Variants in ALG6 observed in about 807,000 individuals in gnomAD.
ALG6 encodes the protein ALG6 alpha-1,3-glucosyltransferase.
ALG6 carries 46 observed loss-of-function variants against 66.6 expected under a neutral mutation model. The ratio of observed to expected loss-of-function variants is 0.69; its 90% CI spans 0.55 to 0.88. The LOEUF is 0.88. Ranked by LOEUF, ALG6 falls within the 40% of genes least tolerant of loss-of-function variation. The pLI, the probability that ALG6 is intolerant of heterozygous loss-of-function variation, is 0.00. For missense variants in ALG6, 505 were observed against 586.8 expected, an observed-to-expected ratio of 0.86 and a Z score of 1.44; for synonymous variants, 185 against 203.7, an observed-to-expected ratio of 0.91 and a Z score of 0.78.
intron 2 of ALG6, among the ~76,000 whole-genome samples, chr1:63,373,019 T>C (rs2100380505): frequency 6.6e-6 from 1 of 151,990 alleles, no homozygotes; most frequent in East Asian, 1.9e-4. Flanking sequence ...AAGACTTTTT[T>C]TTTTGGAGAC....
At chr1:63,398,598 G>C (rs897667808) in intron 3 of ALG6, among the ~76,000 whole-genome samples, 2 of 151,858 alleles carry the variant, frequency 1.3e-5, no homozygotes, top group Non-Finnish European at 2.9e-5. Flanking sequence ...TTAGCTTCCC[G>C]AGTAGCTGGG....
At chr1:63,383,252 G>A (rs1024310581) in intron 2 of ALG6, among the ~76,000 whole-genome samples, 2 of 152,092 alleles carry the variant, frequency 1.3e-5, no homozygotes, top group East Asian at 3.9e-4. Context: ...CTCCCAAGTA[G>A]CTGGGATTAC....
chr1:63,369,610 CAA>C (rs1172993842), intron 1 of ALG6, among the ~76,000 whole-genome samples: 1 of 147,274 alleles, frequency 6.8e-6, no homozygotes, highest in African/African-American at 2.5e-5. Flanking sequence ...GCCTGGGCAA[CAA>C]GAGCAAAGCT....
intron 7 of ALG6, among the ~76,000 whole-genome samples, chr1:63,410,021 T>C (rs1644508631): frequency 6.6e-6 from 1 of 152,280 alleles, no homozygotes; most frequent in South Asian, 2.1e-4. Flanking sequence ...TAATCTCTTG[T>C]TTTCTTCTGC....
chr1:63,422,134 T>C (rs1199523141), intron 12 of ALG6, among the ~76,000 whole-genome samples: 3 of 55,580 alleles, frequency 5.4e-5, no homozygotes. Flanking sequence ...TAAATAAATA[T>C]ATAAATATAT....
chr1:63,371,224 T>C, intron 2 of ALG6, 165 bp downstream of exon 2: 2 of 613,232 alleles, frequency 3.3e-6, no homozygotes, highest in Non-Finnish European at 5.8e-6. Context: ...AGAAAGAATA[T>C]GGATAACAGC....
intron 2 of ALG6, among the ~76,000 whole-genome samples, chr1:63,371,953 A>G (rs1211950770): frequency 6.6e-6 from 1 of 152,240 alleles, no homozygotes; most frequent in Non-Finnish European, 1.5e-5. Flanking sequence ...GGTGATAATT[A>G]TAATGTAGGA....
At chr1:63,431,694 C>G (rs761080596) in intron 14 of ALG6, among the ~76,000 whole-genome samples, 10 of 152,126 alleles carry the variant, frequency 6.6e-5, no homozygotes, top group Non-Finnish European at 1.5e-4. Context: ...TTTCTTTCAA[C>G]AATGTTTTGT....
chr1:63,370,556 A>G (rs1009634035), intron 1 of ALG6, among the ~76,000 whole-genome samples: 1 of 152,094 alleles, frequency 6.6e-6, no homozygotes, highest in Non-Finnish European at 1.5e-5. Context: ...ATATCTTTAG[A>G]TGTATTGAGT....
In ALG6 at chr1:63,418,988, A is replaced by G. The variant is rs115013361; in HGVS notation, c.988-382A>G. 3.9e-3 allele frequency among the ~76,000 whole-genome samples: 600 copies of G among 152,308 alleles called. 4 individuals are homozygous for G. Among genetic ancestry groups the G allele is most frequent in the African/African-American group, 0.013 (550 of 41,584 alleles). On this transcript the variant is annotated intron_variant, in intron 11 of 14. Coordinates refer to ENST00000263440, the MANE Select transcript of ALG6 (RefSeq NM_013339.4). ...TTGAAGTGCATGTTTTAAAACACCA[A>G]AATAGATTTGTTTTGCCGGTTTTAG...
intron 2 of ALG6, among the ~76,000 whole-genome samples, chr1:63,384,393 A>G (rs1307327188): frequency 6.6e-6 from 1 of 152,056 alleles, no homozygotes; most frequent in Admixed American, 6.6e-5. Context: ...TCTGGTTGTT[A>G]ATCCCTTGTC....
intron 5 of ALG6, 51 bp from the exon 6 acceptor site, chr1:63,406,266 G>GCTGTAAATCCTGAGT (rs1247120751): frequency 6.7e-7 from 1 of 1,499,952 alleles, no homozygotes; most frequent in Non-Finnish European, 9.3e-7. Context: ...TTAATGGGTA[G>GCTGTAAATCCTGAGT]CTGTAAATCC....
At chr1:63,428,907 T>C in intron 13 of ALG6, 21 bp from the exon 14 acceptor site, 1 of 1,609,176 alleles carries the variant, frequency 6.2e-7, no homozygotes, top group Non-Finnish European at 8.5e-7. Flanking sequence ...TCTTGTGATT[T>C]TTAAAAATTT....
intron 2 of ALG6, among the ~76,000 whole-genome samples, chr1:63,389,363 T>TGA: frequency 6.6e-6 from 1 of 152,330 alleles, no homozygotes; most frequent in South Asian, 2.1e-4. Flanking sequence ...ATTCTGCTGT[T>TGA]GAGAGACTCT....
At chr1:63,386,562 A>G (rs12563603) in intron 2 of ALG6, among the ~76,000 whole-genome samples, 54,473 of 151,896 alleles carry the variant, frequency 0.36, 9,990 homozygotes, top group East Asian at 0.49. Context: ...GTGTCTAGGA[A>G]TTTATCAGTT....
intron 1 of ALG6, among the ~76,000 whole-genome samples, chr1:63,368,271 G>A (rs994331832): frequency 4.6e-5 from 7 of 152,154 alleles, no homozygotes; most frequent in African/African-American, 1.7e-4. Context: ...GAAGAGAGTC[G>A]TTAAAAGCCT....
intron 10 of ALG6, 106 bp downstream of exon 10, chr1:63,414,252 T>C: frequency 1.1e-6 from 1 of 899,132 alleles, no homozygotes; most frequent in Non-Finnish European, 1.7e-6. Context: ...GTGTTTTTCT[T>C]TTCTTTTTTT....
intron 8 of ALG6, 84 bp from the exon 9 acceptor site, chr1:63,411,842 T>A: frequency 6.5e-7 from 1 of 1,550,008 alleles, no homozygotes; most frequent in Non-Finnish European, 8.9e-7. Flanking sequence ...CATGTGCATG[T>A]ATTATGTTCA....
At chr1:63,385,280 A>G (rs1306849785) in intron 2 of ALG6, among the ~76,000 whole-genome samples, 4 of 139,880 alleles carry the variant, frequency 2.9e-5, no homozygotes, top group Admixed American at 7.7e-5. Flanking sequence ...GCTCACGGCA[A>G]CCTCTACCTC....
Sources: allele counts gnomAD v4.1 joint callset (sites outside exome capture counted in the v4.1 genomes callset), GRCh38; gene constraint gnomAD v4.1.1; transcripts MANE v1.5; gene names NCBI Gene and HGNC (gene_info 2026-07-23, HGNC 2026-07-21).